The following ZNF407 variants were observed in gnomAD, a reference collection of about 807,000 sequenced individuals.
ZNF407 encodes zinc finger protein 407.
Under a neutral mutation model 131.2 loss-of-function variants are expected in ZNF407, and 17 were observed. The observed-to-expected ratio is 0.13, with a 90% confidence interval of 0.09 to 0.19. ZNF407 has a LOEUF of 0.19. Ranked by LOEUF, ZNF407 falls within the 10% of genes least tolerant of loss-of-function variation. ZNF407 has a pLI of 1.00. For missense variants in ZNF407, 2,681 were observed against 2,830.6 expected (o/e 0.95, Z 1.20); for synonymous variants, 1,156 against 1,062.0 (o/e 1.09, Z -1.72).
At chr18:74,672,615 GTTCATTGGAGCACTGTTTA>G (rs796333969) in intron 3 of ZNF407, among the ~76,000 whole-genome samples, 6 of 147,616 alleles carry the variant, frequency 4.1e-5, no homozygotes, top group South Asian at 2.1e-4. Flanking sequence ...CTGTTTTTCT[GTTCATTGGAGCACTGTTTA>G]TTCATTGGAG....
At chr18:74,768,682 G>A (rs1007250421) in intron 3 of ZNF407, among the ~76,000 whole-genome samples, 2 of 152,108 alleles carry the variant, frequency 1.3e-5, no homozygotes, top group Non-Finnish European at 2.9e-5. Context: ...TTACACCGTT[G>A]TTATATTCCA....
chr18:74,863,211 G>A (rs972800331), intron 4 of ZNF407, among the ~76,000 whole-genome samples: 4 of 151,360 alleles, frequency 2.6e-5, no homozygotes, highest in African/African-American at 9.7e-5. Flanking sequence ...GTGAGCCACC[G>A]CACCCGGCTC....
intron 3 of ZNF407, among the ~76,000 whole-genome samples, chr18:74,745,109 G>A (rs1968637962): frequency 6.6e-6 from 1 of 152,068 alleles, no homozygotes; most frequent in Admixed American, 6.6e-5. Context: ...TCTCAGTTGG[G>A]TGGGAAATAC....
chr18:74,666,510 G>A (rs751973184), intron 3 of ZNF407, among the ~76,000 whole-genome samples: 3 of 152,184 alleles, frequency 2.0e-5, no homozygotes, highest in Non-Finnish European at 2.9e-5. Flanking sequence ...GTATCCTCCC[G>A]CTCTGCTTTG....
At chr18:74,677,259 T>A (rs989551597) in intron 3 of ZNF407, among the ~76,000 whole-genome samples, 5 of 152,070 alleles carry the variant, frequency 3.3e-5, no homozygotes, top group African/African-American at 1.2e-4. Context: ...CCAGGTTAAT[T>A]TCTGTATTTT....
At chr18:74,606,410 TA>T (rs1301461401) in intron 1 of ZNF407, among the ~76,000 whole-genome samples, 1 of 152,176 alleles carries the variant, frequency 6.6e-6, no homozygotes, top group Non-Finnish European at 1.5e-5. Context: ...TTTCAAAAAA[TA>T]TATTTTAAAT....
rs1238937854 is a variant in ZNF407, at chr18:74,812,039, AAAAT to A, written c.4877+30546_4877+30549del. The stretch of plus-strand genomic sequence containing the variant: ...TAAAACTTAAGTATAAAAATAAAAA[AAAAT>A]AAATAAATTTCATTGAACTTAATCT... On this transcript the variant is annotated intron_variant, in intron 4 of 8. Transcript: ENST00000299687. Among the ~76,000 whole-genome samples, 17 of 151,930 alleles carry A rather than the reference AAAAT, an allele frequency of 1.1e-4. 1 individual carries two copies. Among genetic ancestry groups the A allele is most frequent in the African/African-American group, 3.9e-4 (16 of 41,176 alleles).
At chr18:74,643,745 A>G (rs946163075) in intron 3 of ZNF407, among the ~76,000 whole-genome samples, 2 of 151,936 alleles carry the variant, frequency 1.3e-5, no homozygotes, top group Non-Finnish European at 2.9e-5. Context: ...TTTATATTAG[A>G]TGATTTTGGA....
intron 3 of ZNF407, among the ~76,000 whole-genome samples, chr18:74,742,512 T>C (rs1879021134): frequency 6.6e-6 from 1 of 152,222 alleles, no homozygotes; most frequent in South Asian, 2.1e-4. Context: ...GTTTGAATCA[T>C]GCTTTGTTCT....
At chr18:74,871,076 T>C (rs1450131540) in intron 4 of ZNF407, among the ~76,000 whole-genome samples, 2 of 152,168 alleles carry the variant, frequency 1.3e-5, no homozygotes, top group Non-Finnish European at 2.9e-5. Context: ...TTTGTGAGTG[T>C]CTTCATTTTG....
chr18:74,814,778 G>A (rs868350032), intron 4 of ZNF407, among the ~76,000 whole-genome samples: 1 of 151,920 alleles, frequency 6.6e-6, no homozygotes, highest in Non-Finnish European at 1.5e-5. Context: ...GAAAAATTTG[G>A]TTTTATTCTT....
intron 3 of ZNF407, among the ~76,000 whole-genome samples, chr18:74,755,489 C>T (rs1334799229): frequency 6.6e-6 from 1 of 151,894 alleles, no homozygotes; most frequent in African/African-American, 2.4e-5. Context: ...AATGTAAAGG[C>T]TTATTTATGA....
intron 3 of ZNF407, among the ~76,000 whole-genome samples, chr18:74,726,006 C>T (rs908497180): frequency 5.9e-5 from 9 of 152,084 alleles, no homozygotes; most frequent in Non-Finnish European, 1.3e-4. Context: ...GGAGATTTTA[C>T]TTCTGTGATA....
intron 3 of ZNF407, among the ~76,000 whole-genome samples, chr18:74,646,388 A>G (rs2144699536): frequency 6.6e-6 from 1 of 152,342 alleles, no homozygotes; most frequent in Admixed American, 6.5e-5. Flanking sequence ...ATAACAGTAT[A>G]AAGTGCAACA....
At chr18:74,922,174 A>C (rs1277899430) in intron 8 of ZNF407, among the ~76,000 whole-genome samples, 1 of 152,250 alleles carries the variant, frequency 6.6e-6, no homozygotes, top group African/African-American at 2.4e-5. Context: ...AAACAGATAA[A>C]GTCGAGTTGA....
rs1269272236 is a variant in ZNF407 at position 74,835,629 on chromosome 18, G to GGGGT, written c.4878-41567_4878-41566insGGTG. Among the ~76,000 whole-genome samples, 131 of 92,200 alleles carry GGGGT rather than the reference G, an allele frequency of 1.4e-3. 3 individuals are homozygous for GGGGT. In the East Asian group the frequency reaches 0.023, roughly 16 times the overall value. The allele number at this position is 92,200 out of a possible 152,430, so 60.5% of individuals were successfully genotyped here. ...TGAGTTTGTGTCTTGGACAGAGGGG[G>GGGGT]GTGTGTGTGTGTGTGTGTGTGTGTG... On this transcript the variant is annotated intron_variant, in intron 4 of 8. Transcript: ENST00000299687.
At chr18:74,868,700 A>C (rs1377446634) in intron 4 of ZNF407, among the ~76,000 whole-genome samples, 1 of 152,076 alleles carries the variant, frequency 6.6e-6, no homozygotes, top group Non-Finnish European at 1.5e-5. Flanking sequence ...CCATCACACC[A>C]CTTGGCTCTG....
intron 2 of ZNF407, among the ~76,000 whole-genome samples, chr18:74,637,968 G>C (rs1192684098): frequency 3.9e-5 from 6 of 152,196 alleles, no homozygotes; most frequent in Non-Finnish European, 8.8e-5. Flanking sequence ...AGAAAGGGCA[G>C]TCTTCCCTTT....
chr18:74,897,659 C>A (rs1971470642), intron 7 of ZNF407, among the ~76,000 whole-genome samples: 1 of 152,086 alleles, frequency 6.6e-6, no homozygotes, highest in Non-Finnish European at 1.5e-5. Flanking sequence ...TAGTCTCTTG[C>A]ATAATAAGTT....
Sources: allele counts gnomAD v4.1 joint callset (sites outside exome capture counted in the v4.1 genomes callset), GRCh38; gene constraint gnomAD v4.1.1; transcripts MANE v1.5; gene names NCBI Gene and HGNC (gene_info 2026-07-23, HGNC 2026-07-21).